RPAP3: variants seen among roughly 807,000 people sequenced by gnomAD.
RPAP3 encodes RNA polymerase II associated protein 3, also known as RNA polymerase II-associated protein 3.
Under a neutral mutation model 88.8 loss-of-function variants are expected in RPAP3, and 58 were observed. That is an observed-to-expected ratio of 0.65 (90% CI 0.53 to 0.81). RPAP3 has a LOEUF of 0.81. Ranked by LOEUF, RPAP3 falls within the 40% of genes least tolerant of loss-of-function variation. The probability of loss-of-function intolerance (pLI) is 0.00; values close to 1 mark genes in which losing one functional copy is unlikely to be tolerated. For missense variants in RPAP3, 751 were observed against 764.3 expected (o/e 0.98, Z 0.20); for synonymous variants, 255 against 259.9 (o/e 0.98, Z 0.18).
intron 2 of RPAP3, among the ~76,000 whole-genome samples, chr12:47,702,486 G>A (rs552849398): frequency 2.7e-4 from 41 of 152,208 alleles, no homozygotes; most frequent in African/African-American, 8.2e-4. Flanking sequence ...CCCAGGAGGC[G>A]GAGGTTGCAG....
chr12:47,702,156 A>G (rs1939665693), intron 2 of RPAP3, among the ~76,000 whole-genome samples: 1 of 152,226 alleles, frequency 6.6e-6, no homozygotes, highest in African/African-American at 2.4e-5. Context: ...AAGTATTATC[A>G]CATGATCATC....
At chr12:47,690,791 A>C in intron 5 of RPAP3, 152 bp from the exon 6 acceptor site, 1 of 477,634 alleles carries the variant, frequency 2.1e-6, no homozygotes, top group Non-Finnish European at 3.6e-6. Context: ...TAAGCATAAT[A>C]AAAGCAATAC....
rs993954996 is a variant in RPAP3 at position 47,701,470 on chromosome 12, A to C, written c.288T>G (p.Leu96=). 1.9e-6 allele frequency: 3 copies of C among 1,560,196 alleles called. No individual in the cohort carries two copies. Among genetic ancestry groups the C allele is most frequent in the Admixed American group, 2.0e-5 (1 of 49,056 alleles). The part of the protein sequence containing the change: ...KSYDYEAWAK[L]DVDRILDELD... Reference sequence around the variant, plus strand: ...AATGACTAGATTAACTTACCACATCAAGTTTTGCCCATGCCTCATAATCAT... The same window carrying C: ...AATGACTAGATTAACTTACCACATCCAGTTTTGCCCATGCCTCATAATCAT... Residue 96 remains leucine (L), a synonymous_variant, in exon 3 of 17, where the codon CTT becomes CTG. Coordinates refer to ENST00000005386, the MANE Select transcript of RPAP3 (RefSeq NM_024604.3).
chr12:47,704,682 T>A (rs1347943896), intron 1 of RPAP3, among the ~76,000 whole-genome samples: 1 of 151,260 alleles, frequency 6.6e-6, no homozygotes, highest in Non-Finnish European at 1.5e-5. Context: ...CTGACCTCTA[T>A]TTAGAGTTTC....
In RPAP3 at chr12:47,676,825, G is replaced by C. The variant is rs1009060499; in HGVS notation, c.1287+2668C>G. ...TCTACCAGAGGTACAAAGAGGAGCT[G>C]GTACCATTCCTCCTGAAACTATTCC... On this transcript the variant is annotated intron_variant, in intron 12 of 16. Coordinates refer to ENST00000005386, the MANE Select transcript of RPAP3 (RefSeq NM_024604.3). Among the ~76,000 whole-genome samples, 18 of 152,078 alleles carry C rather than the reference G, an allele frequency of 1.2e-4. 1 individual carries two copies. Among genetic ancestry groups the C allele is most frequent in the African/African-American group, 4.1e-4 (17 of 41,396 alleles).
intron 16 of RPAP3, among the ~76,000 whole-genome samples, chr12:47,665,912 G>A (rs1457940383): frequency 1.3e-5 from 2 of 152,096 alleles, no homozygotes; most frequent in African/African-American, 2.4e-5. Flanking sequence ...ACAGGCATGA[G>A]CCACCATGCC....
At chr12:47,672,275 C>A (rs1188403808) in intron 12 of RPAP3, among the ~76,000 whole-genome samples, 1 of 152,138 alleles carries the variant, frequency 6.6e-6, no homozygotes, top group Non-Finnish European at 1.5e-5. Flanking sequence ...GCACAGACTA[C>A]CCTGCCCTAG....
intron 3 of RPAP3, among the ~76,000 whole-genome samples, chr12:47,698,635 T>C (rs1399739554): frequency 3.3e-5 from 5 of 152,186 alleles, no homozygotes; most frequent in African/African-American, 1.2e-4. Context: ...CACCTCGCTC[T>C]CCCAAGTAAC....
chr12:47,672,323 C>T (rs1003033519), intron 12 of RPAP3, among the ~76,000 whole-genome samples: 2 of 152,210 alleles, frequency 1.3e-5, no homozygotes, highest in African/African-American at 4.8e-5. Flanking sequence ...ATTCTCTTCT[C>T]TACTTTCCGT....
At position 47,701,614 on chromosome 12, in the gene RPAP3, G is replaced by GA. The variant is rs549171407; in HGVS notation, c.154-11dup. 2.3e-3 allele frequency: 3,354 copies of GA among 1,490,022 alleles called. No homozygotes were observed. Among genetic ancestry groups the GA allele is most frequent in the South Asian group, 4.7e-3 (351 of 75,054 alleles). The allele number at this position is 1,490,022 out of a possible 1,614,324, so 92.3% of individuals were successfully genotyped here. A position where few individuals can be genotyped will look rare whatever the true frequency, so the allele number is the denominator to read the frequency against. On this transcript the variant is annotated splice_polypyrimidine_tract_variant and intron_variant, in intron 2 of 16. Transcript: ENST00000005386. ...GAATAGGAGGTAAATTCTAAGGAGG[G>GA]AAAAAAAAACACAAAGTTGTGAGTA...
chr12:47,685,663 T>C (rs1310185084), intron 9 of RPAP3, among the ~76,000 whole-genome samples: 1 of 152,236 alleles, frequency 6.6e-6, no homozygotes, highest in Non-Finnish European at 1.5e-5. Context: ...CTATCCACAC[T>C]TGCTTGTTGA....
At chr12:47,676,847 T>C (rs1384856754) in intron 12 of RPAP3, among the ~76,000 whole-genome samples, 1 of 152,174 alleles carries the variant, frequency 6.6e-6, no homozygotes, top group Non-Finnish European at 1.5e-5. Flanking sequence ...CCTGAAACTA[T>C]TCCAATCAAT....
At chr12:47,686,697 A>C (rs1278427705) in intron 9 of RPAP3, 83 bp downstream of exon 9, 11 of 1,063,952 alleles carry the variant, frequency 1.0e-5, no homozygotes, top group Non-Finnish European at 1.4e-5. Flanking sequence ...CATAATTGGC[A>C]TGTTAGGTAA....
chr12:47,684,336 C>A (rs902453018), intron 9 of RPAP3, among the ~76,000 whole-genome samples: 1 of 152,216 alleles, frequency 6.6e-6, no homozygotes, highest in Non-Finnish European at 1.5e-5. Flanking sequence ...TACTGCTACC[C>A]CGCACACTGG....
chr12:47,665,477 A>C (rs1160877614), intron 16 of RPAP3, among the ~76,000 whole-genome samples: 3 of 151,608 alleles, frequency 2.0e-5, no homozygotes, highest in Non-Finnish European at 4.4e-5. Flanking sequence ...TGGTTGAAAA[A>C]ATAGTGGTAA....
At chr12:47,676,783 C>G (rs1238722291) in intron 12 of RPAP3, among the ~76,000 whole-genome samples, 1 of 152,072 alleles carries the variant, frequency 6.6e-6, no homozygotes, top group Non-Finnish European at 1.5e-5. Flanking sequence ...CAGGACCAGA[C>G]GGATTCACAG....
In RPAP3 at chr12:47,690,467, T is replaced by C. The variant is rs760493665; in HGVS notation, c.667+51A>G. On this transcript the variant is annotated intron_variant, in intron 6 of 16. Coordinates refer to ENST00000005386, the MANE Select transcript of RPAP3 (RefSeq NM_024604.3). ...ATTACTCAGTATTCTCCATATAGCA[T>C]CTGTGAGATAACACTGTTAAAGAAT... is the stretch of plus-strand genomic sequence containing the variant. 50 of 1,463,798 alleles carry C rather than the reference T, an allele frequency of 3.4e-5. 1 individual carries two copies. In the Middle Eastern group the frequency reaches 5.3e-4, roughly 16 times the overall value. The allele number at this position is 1,463,798 out of a possible 1,614,324, so 90.7% of individuals were successfully genotyped here.
At chr12:47,686,733 T>C (rs1939331833) in intron 9 of RPAP3, 47 bp downstream of exon 9, 3 of 1,366,440 alleles carry the variant, frequency 2.2e-6, no homozygotes, top group Non-Finnish European at 2.9e-6. Flanking sequence ...TACCAATTTA[T>C]TGTAAATTTT....
At chr12:47,693,479 C>T (rs1014561971) in intron 5 of RPAP3, among the ~76,000 whole-genome samples, 2 of 152,182 alleles carry the variant, frequency 1.3e-5, no homozygotes, top group Non-Finnish European at 2.9e-5. Flanking sequence ...GGACAAATGG[C>T]ACCAATAGAG....
Sources: allele counts gnomAD v4.1 joint callset (sites outside exome capture counted in the v4.1 genomes callset), GRCh38; gene constraint gnomAD v4.1.1; transcripts MANE v1.5; gene names NCBI Gene and HGNC (gene_info 2026-07-23, HGNC 2026-07-21).